Variants in GRIP2 observed in about 807,000 individuals in gnomAD.
GRIP2 encodes glutamate receptor interacting protein 2.
In GRIP2, 58 loss-of-function variants were observed where a neutral mutation model predicts 108.3. That is an observed-to-expected ratio of 0.54 (90% CI 0.43 to 0.67). The LOEUF (loss-of-function observed/expected upper bound fraction) is 0.67. Among genes scored for constraint, GRIP2 ranks in the 30% least tolerant of loss-of-function variants. GRIP2 has a pLI of 0.00. For synonymous variants in GRIP2, 586 were observed against 598.2 expected (o/e 0.98, Z 0.30); for missense variants, 1,278 against 1,430.6 (o/e 0.89, Z 1.72).
At chr3:14,548,345 C>T (rs1044393840) in intron 1 of GRIP2, among the ~76,000 whole-genome samples, 2 of 152,120 alleles carry the variant, frequency 1.3e-5, no homozygotes, top group African/African-American at 4.8e-5. Context: ...AAGGATCAGG[C>T]TCTCCGGAGG....
chr3:14,543,069 T>C (rs1207696332), upstream of GRIP2, among the ~76,000 whole-genome samples: 1 of 152,110 alleles, frequency 6.6e-6, no homozygotes, highest in Non-Finnish European at 1.5e-5. Flanking sequence ...GGGAAGGAGT[T>C]TGTCCACGAA....
rs1043717907 is a variant in GRIP2 at position 14,491,145 on chromosome 3, T to A, written c.*2520A>T. ...GACTCTTGCCAATCCATGATTTTTTTAAAAAGCAAACTTCTACTCTAGGTG... is the reference window on the plus strand; with the variant it reads ...GACTCTTGCCAATCCATGATTTTTTAAAAAAGCAAACTTCTACTCTAGGTG... On this transcript the variant is annotated 3_prime_UTR_variant, in exon 24 of 24. Transcript: ENST00000621039. 8 of 152,256 alleles carry A rather than the reference T, an allele frequency of 5.3e-5. No individual in the cohort carries two copies. The highest frequency in any genetic ancestry group is 1.7e-4 in the African/African-American group (7 of 41,534). 9.4% of individuals were successfully genotyped at this position (152,256 alleles called of 1,614,324 possible).
At position 14,554,018 on chromosome 3, in the gene GRIP2, C is replaced by T. The variant is rs114275107; in HGVS notation, c.55+1882G>A. Among the ~76,000 whole-genome samples, 887 of 152,168 alleles carry T rather than the reference C, an allele frequency of 5.8e-3. 17 individuals are homozygous for T. The highest frequency in any genetic ancestry group is 0.02 in the African/African-American group (832 of 41,506). On this transcript the variant is annotated intron_variant, in intron 1 of 23. Transcript: ENST00000637182. ...TATGCTGGCCCCAGATGTGACTGCC[C>T]TGGGGACAGTGGTGTGTGCATGGGG...
chr3:14,593,824 T>C, the GRIP2 span, among the ~76,000 whole-genome samples: 2 of 152,124 alleles, frequency 1.3e-5, no homozygotes, highest in Admixed American at 1.3e-4. Flanking sequence ...CCTGCTGTGA[T>C]TGTGACAACA....
intron 13 of GRIP2, among the ~76,000 whole-genome samples, 153 bp downstream of exon 13, chr3:14,513,512 T>C (rs1409783102): frequency 6.6e-6 from 1 of 152,224 alleles, no homozygotes; most frequent in African/African-American, 2.4e-5. Flanking sequence ...GTGCCAAGGC[T>C]TCCCTTCCCA....
At chr3:14,523,273 A>G in intron 5 of GRIP2, 198 bp from the exon 6 acceptor site, 7 of 590,224 alleles carry the variant, frequency 1.2e-5, no homozygotes, top group Non-Finnish European at 1.5e-5. Context: ...TAACATGACC[A>G]AAGTCTTCTC....
At chr3:14,596,147 G>C in the GRIP2 span, among the ~76,000 whole-genome samples, 1 of 152,234 alleles carries the variant, frequency 6.6e-6, no homozygotes, top group Non-Finnish European at 1.5e-5. Flanking sequence ...GTGAAGAAGA[G>C]GATGGGAGAG....
upstream of GRIP2, among the ~76,000 whole-genome samples, chr3:14,558,824 G>A (rs1695277425): frequency 1.3e-5 from 2 of 152,178 alleles, no homozygotes; most frequent in South Asian, 4.1e-4. Flanking sequence ...TGACTACGGA[G>A]CCCAGCCTGA....
chr3:14,525,954 G>A, intron 1 of GRIP2, 23 bp from the exon 2 acceptor site: 1 of 1,547,126 alleles, frequency 6.5e-7, no homozygotes, highest in Non-Finnish European at 8.8e-7. Context: ...AAGAGGGAAA[G>A]GCCGAGTTCC....
chr3:14,583,175 T>C, the GRIP2 span, among the ~76,000 whole-genome samples: 1 of 152,136 alleles, frequency 6.6e-6, no homozygotes, highest in Non-Finnish European at 1.5e-5. Context: ...TCTTACCCTG[T>C]CTTATGACTG....
At chr3:14,538,564 A>G (rs973124631) in intron 1 of GRIP2, among the ~76,000 whole-genome samples, 1 of 152,206 alleles carries the variant, frequency 6.6e-6, no homozygotes, top group African/African-American at 2.4e-5. Flanking sequence ...ACTGTGCCTG[A>G]AGCTCCATCT....
At chr3:14,562,437 T>C in the GRIP2 span, among the ~76,000 whole-genome samples, 5 of 152,182 alleles carry the variant, frequency 3.3e-5, no homozygotes, top group Non-Finnish European at 7.3e-5. Context: ...TTCCTATTGA[T>C]TCTGAAAAGA....
chr3:14,495,132 TG>T, intron 22 of GRIP2, 143 bp from the exon 23 acceptor site: 1 of 1,013,730 alleles, frequency 9.9e-7, no homozygotes, highest in Non-Finnish European at 1.4e-6. Flanking sequence ...CTCTTGCCCC[TG>T]GGCCTTCAGC....
At chr3:14,596,295 C>T in the GRIP2 span, among the ~76,000 whole-genome samples, 1 of 152,216 alleles carries the variant, frequency 6.6e-6, no homozygotes. Context: ...AGTAGGGACT[C>T]CTGGGCTAAA....
upstream of GRIP2, among the ~76,000 whole-genome samples, chr3:14,560,487 T>C (rs960211819): frequency 3.3e-5 from 5 of 152,046 alleles, no homozygotes; most frequent in Non-Finnish European, 7.4e-5. Context: ...AAGTAGCCTA[T>C]CCCAATCCCC....
At chr3:14,498,132 C>T (rs1019703472) in intron 21 of GRIP2, among the ~76,000 whole-genome samples, 3 of 152,172 alleles carry the variant, frequency 2.0e-5, no homozygotes, top group African/African-American at 7.2e-5. Flanking sequence ...GGGGGTTGGT[C>T]TTTTAGGGAT....
intron 9 of GRIP2, 91 bp from the exon 10 acceptor site, chr3:14,517,988 C>T (rs1553596797): frequency 2.9e-6 from 4 of 1,402,866 alleles, no homozygotes; most frequent in South Asian, 1.5e-5. Flanking sequence ...AGAAGATCCT[C>T]GTGCTTCCCC....
intron 11 of GRIP2, among the ~76,000 whole-genome samples, chr3:14,515,641 A>G (rs28405555): frequency 0.075 from 11,455 of 151,946 alleles, 620 homozygotes; most frequent in East Asian, 0.15. Flanking sequence ...ATATGTATTT[A>G]TTTATTTATT....
the GRIP2 span, among the ~76,000 whole-genome samples, chr3:14,596,310 G>T: frequency 6.6e-6 from 1 of 152,238 alleles, no homozygotes; most frequent in African/African-American, 2.4e-5. Flanking sequence ...GCTAAATCCA[G>T]CTCAAAAGGG....
Sources: gnomAD v4.1 joint callset for allele counts (sites outside exome capture counted in the v4.1 genomes callset) on GRCh38, gnomAD v4.1.1 for gene constraint, MANE v1.5 for transcripts, NCBI Gene and HGNC (gene_info 2026-07-23, HGNC 2026-07-21) for gene names.